Variants in GLYAT observed in about 807,000 individuals in gnomAD.
The protein encoded by GLYAT is glycine N-acyltransferase.
In GLYAT, 25 loss-of-function variants were observed where a neutral mutation model predicts 22.8. That is an observed-to-expected ratio of 1.09 (90% CI 0.80 to 1.53). The LOEUF (loss-of-function observed/expected upper bound fraction) is 1.53, where lower values mean the gene tolerates loss of function less well. Among genes scored for constraint, GLYAT ranks in the 40% most tolerant of loss-of-function variants. The probability of loss-of-function intolerance (pLI) is 0.00; values close to 1 mark genes in which losing one functional copy is unlikely to be tolerated. For missense variants in GLYAT, 411 were observed against 353.9 expected (o/e 1.16, Z -1.29); for synonymous variants, 140 against 122.7 (o/e 1.14, Z -0.93).
At chr11:58,726,342 G>A (rs1856811859) in intron 1 of GLYAT, among the ~76,000 whole-genome samples, 1 of 152,100 alleles carries the variant, frequency 6.6e-6, no homozygotes, top group Admixed American at 6.6e-5. Flanking sequence ...CTGACAGAGG[G>A]GTAGTAGTGG....
At chr11:58,712,936 T>C in intron 3 of GLYAT, 50 bp from the exon 4 acceptor site, 1 of 1,223,798 alleles carries the variant, frequency 8.2e-7, no homozygotes, top group Non-Finnish European at 1.2e-6. Context: ...TATTTTATGA[T>C]TACATATAAT....
At chr11:58,719,505 G>A (rs776489792) in intron 2 of GLYAT, among the ~76,000 whole-genome samples, 15 of 151,970 alleles carry the variant, frequency 9.9e-5, no homozygotes, top group Non-Finnish European at 1.8e-4. Context: ...ATTAATTTAC[G>A]GAGAAATGAA....
intron 1 of GLYAT, among the ~76,000 whole-genome samples, chr11:58,728,979 G>GGAA (rs1233761736): frequency 2.0e-5 from 3 of 151,712 alleles, no homozygotes; most frequent in Non-Finnish European, 4.4e-5. Flanking sequence ...AAGGAAGGAA[G>GGAA]AAAGGAAGGA....
Position 58,710,057 on chromosome 11 carries a change from G to A in GLYAT, c.600C>T (p.Cys200=), listed in dbSNP as rs1856592646. The change falls in exon 6 of 6, where the codon TGC becomes TGT. Residue 200 remains cysteine (C), a synonymous_variant. Coordinates refer to ENST00000344743, the MANE Select transcript of GLYAT (RefSeq NM_201648.3). ...NERSQRFIER[C]IQTFPTCCLL... is the part of the protein sequence containing the mutation. ...GACAGCAGGTGGGAAAGGTCTGAAT[G>A]CAGCGCTCAATGAATCTCTGGCTCC... The A allele has an allele frequency of 1.2e-6, 2 of 1,614,056 alleles. No individual in the cohort carries two copies. The highest frequency in any genetic ancestry group is 1.3e-5 in the African/African-American group (1 of 75,056).
At chr11:58,718,030 T>A (rs538028347) in intron 2 of GLYAT, among the ~76,000 whole-genome samples, 56 of 152,138 alleles carry the variant, frequency 3.7e-4, no homozygotes, top group Middle Eastern at 3.4e-3. Context: ...TTTACCACAG[T>A]CAGAAATCCT....
At position 58,709,146 on chromosome 11, in the gene GLYAT, T is replaced by A. The variant is rs1008107561; in HGVS notation, c.*620A>T. 6.6e-6 allele frequency: 1 copy of A among 152,212 alleles called. No homozygotes were observed. Among genetic ancestry groups the A allele is most frequent in the African/African-American group, 2.4e-5 (1 of 41,446 alleles). The allele number at this position is 152,212 out of a possible 1,614,324, so 9.4% of individuals were successfully genotyped here. On this transcript the variant is annotated 3_prime_UTR_variant, in exon 6 of 6. Coordinates refer to ENST00000344743, the MANE Select transcript of GLYAT (RefSeq NM_201648.3). ...GCTCATCTTTAGAAAAAACATTGGATCTTTTTTCCTGGAATAGGAGCTTGG... is the reference window on the plus strand; with the variant it reads ...GCTCATCTTTAGAAAAAACATTGGAACTTTTTTCCTGGAATAGGAGCTTGG...
intron 4 of GLYAT, 64 bp from the exon 5 acceptor site, chr11:58,710,825 G>A: frequency 1.0e-6 from 1 of 957,180 alleles, no homozygotes; most frequent in South Asian, 1.4e-5. Flanking sequence ...GTTCTGCAGT[G>A]GAGTAAGAAG....
intron 2 of GLYAT, among the ~76,000 whole-genome samples, chr11:58,716,654 G>T (rs765468054): frequency 3.3e-5 from 5 of 151,968 alleles, no homozygotes; most frequent in South Asian, 2.1e-4. Flanking sequence ...CATTGTTGTG[G>T]CCTAATTTAT....
In GLYAT at chr11:58,709,896, A is replaced by G; in HGVS notation, c.761T>C (p.Leu254Ser). 1 of 1,614,148 alleles carries G rather than the reference A, an allele frequency of 6.2e-7. No homozygotes were observed. Among genetic ancestry groups the G allele is most frequent in the Non-Finnish European group, 8.5e-7 (1 of 1,180,000 alleles). Reference sequence around the variant, plus strand: ...ATAGACAGGAAACCCAAGTTTGCCCAATTTCTGGGCGTGGGAATAGATGAC... The same window carrying G: ...ATAGACAGGAAACCCAAGTTTGCCCGATTTCTGGGCGTGGGAATAGATGAC... ...TYVIYSHAQKLGKLGFPVYSH... is the reference protein window; with the variant it reads ...TYVIYSHAQKSGKLGFPVYSH... The change falls in exon 6 of 6, where the codon TTG (leucine) becomes TCG (serine). Residue 254 changes from leucine (L) to serine (S), a missense_variant. Physicochemically the swap from Leu to Ser is moderately radical, Grantham distance 145 (BLOSUM62 -2). Coordinates refer to ENST00000344743, the MANE Select transcript of GLYAT (RefSeq NM_201648.3).
chr11:58,711,954 G>A (rs1043159310), intron 4 of GLYAT, among the ~76,000 whole-genome samples: 7 of 152,174 alleles, frequency 4.6e-5, no homozygotes, highest in Admixed American at 3.9e-4. Context: ...GACACATGTT[G>A]CCATCATGCT....
chr11:58,724,060 G>A (rs1374779368), intron 2 of GLYAT, among the ~76,000 whole-genome samples: 1 of 152,006 alleles, frequency 6.6e-6, no homozygotes, highest in African/African-American at 2.4e-5. Flanking sequence ...AGAACTCTGG[G>A]CAAATTTCAA....
At chr11:58,712,372 T>C (rs1856626292) in intron 4 of GLYAT, among the ~76,000 whole-genome samples, 1 of 152,126 alleles carries the variant, frequency 6.6e-6, no homozygotes, top group Non-Finnish European at 1.5e-5. Flanking sequence ...CCAGAGAGCA[T>C]AGTTGGAACC....
chr11:58,712,872 G>A lies in GLYAT; in HGVS notation c.204C>T (p.Asp68=). The change falls in exon 4 of 6, where the codon GAC becomes GAT. Residue 68 remains aspartate (D), a synonymous_variant. Coordinates refer to ENST00000344743, the MANE Select transcript of GLYAT (RefSeq NM_201648.3). ...GGTAAGTATTGGTATAGTGATCAAGGTCATCTGTCATATCCTGTTATCATT... is the reference window on the plus strand; with the variant it reads ...GGTAAGTATTGGTATAGTGATCAAGATCATCTGTCATATCCTGTTATCATT... The part of the protein sequence containing the change: ...VCPQEQDMTD[D]LDHYTNTYQI... 1 of 1,598,718 alleles carries A rather than the reference G, an allele frequency of 6.3e-7. No individual in the cohort carries two copies. The highest frequency in any genetic ancestry group is 8.6e-7 in the Non-Finnish European group (1 of 1,166,334).
intron 2 of GLYAT, among the ~76,000 whole-genome samples, chr11:58,715,906 A>G (rs1381873561): frequency 6.6e-6 from 1 of 152,166 alleles, no homozygotes; most frequent in African/African-American, 2.4e-5. Context: ...GAATCTTTGC[A>G]TGGGTACCTA....
intron 3 of GLYAT, among the ~76,000 whole-genome samples, chr11:58,714,073 C>G (rs908713851): frequency 6.6e-6 from 1 of 151,972 alleles, no homozygotes; most frequent in African/African-American, 2.4e-5. Flanking sequence ...AGGCAGATAC[C>G]TCATGATCTC....
At chr11:58,710,557 T>G (rs767935563) in intron 5 of GLYAT, 33 bp downstream of exon 5, 1 of 1,496,662 alleles carries the variant, frequency 6.7e-7, no homozygotes, top group South Asian at 1.1e-5. Flanking sequence ...TTGAGAGGTG[T>G]GAGTGGTATA....
chr11:58,716,834 GT>G (rs1272571255), intron 2 of GLYAT, among the ~76,000 whole-genome samples: 1 of 152,030 alleles, frequency 6.6e-6, no homozygotes, highest in Non-Finnish European at 1.5e-5. Context: ...GCACAGCTTG[GT>G]TTTCTACATT....
chr11:58,724,480 T>C lies in GLYAT; in HGVS notation c.17A>G (p.Gln6Arg), dbSNP rs1293383991. The C allele has an allele frequency of 1.2e-6, 2 of 1,605,256 alleles. 1 individual carries two copies. The highest frequency in any genetic ancestry group is 2.7e-5 in the African/African-American group (2 of 74,798). The change falls in exon 2 of 6, where the codon CAA becomes CGA. Residue 6 changes from glutamine to arginine, a missense_variant. Gln to Arg is a conservative substitution (Grantham distance 43). Transcript: ENST00000344743. ...CAGCATCTGCAGCATCTGGGCACCTTGCAATGGTAACATCATGGAGGATAC... is the reference window on the plus strand; with the variant it reads ...CAGCATCTGCAGCATCTGGGCACCTCGCAATGGTAACATCATGGAGGATAC... The part of the protein sequence containing the change: MMLPL[Q>R]GAQMLQMLEK...
At chr11:58,716,326 T>C (rs1224785473) in intron 2 of GLYAT, among the ~76,000 whole-genome samples, 1 of 152,086 alleles carries the variant, frequency 6.6e-6, no homozygotes, top group East Asian at 1.9e-4. Flanking sequence ...TGCTGTGCAC[T>C]TGAATGCTTT....
Sources: allele counts gnomAD v4.1 joint callset (sites outside exome capture counted in the v4.1 genomes callset), GRCh38; gene constraint gnomAD v4.1.1; transcripts MANE v1.5; gene names NCBI Gene and HGNC (gene_info 2026-07-23, HGNC 2026-07-21).